Variants in PHC1 observed in about 807,000 individuals in gnomAD.
PHC1 encodes polyhomeotic homolog 1, also known as polyhomeotic-like protein 1.
In PHC1, 12 loss-of-function variants were observed where a neutral mutation model predicts 104.3. The observed-to-expected ratio is 0.12, with a 90% CI of 0.07 to 0.19. The LOEUF (loss-of-function observed/expected upper bound fraction) is 0.19, where lower values mean the gene tolerates loss of function less well. Ranked by LOEUF, PHC1 falls within the 10% of genes least tolerant of loss-of-function variation. The pLI, the probability that PHC1 is intolerant of heterozygous loss-of-function variation, is 1.00. For missense variants in PHC1, 671 were observed against 1,200.0 expected (o/e 0.56, Z 6.51); for synonymous variants, 302 against 455.8 (o/e 0.66, Z 4.30).
At chr12:8,937,098 C>T in intron 12 of PHC1, 78 bp from the exon 13 acceptor site, 1 of 1,509,806 alleles carries the variant, frequency 6.6e-7, no homozygotes, top group Non-Finnish European at 9.1e-7. Context: ...CAAATCAGCT[C>T]ATAAGCAGAA....
intron 6 of PHC1, among the ~76,000 whole-genome samples, chr12:8,926,392 G>A (rs183942180): frequency 0.016 from 2,454 of 152,182 alleles, 72 homozygotes; most frequent in African/African-American, 0.056. Context: ...CGAGGCGGGC[G>A]GATCACCTGA....
At chr12:8,922,556 T>TG in intron 5 of PHC1, 77 bp from the exon 6 acceptor site, 1 of 1,281,876 alleles carries the variant, frequency 7.8e-7, no homozygotes, top group Admixed American at 2.1e-5. Flanking sequence ...TTTTGTCTTG[T>TG]GGTCCTTCCT....
chr12:8,928,855 C>A (rs781006396), intron 6 of PHC1, among the ~76,000 whole-genome samples: 1 of 152,156 alleles, frequency 6.6e-6, no homozygotes, highest in Non-Finnish European at 1.5e-5. Flanking sequence ...TGTTTTGTTG[C>A]AGTCATTGGA....
intron 10 of PHC1, 132 bp from the exon 11 acceptor site, chr12:8,934,990 TTC>T (rs950940712): frequency 1.8e-6 from 1 of 568,686 alleles, no homozygotes. Flanking sequence ...TTGAAAGTGA[TTC>T]TCTCTGAACC....
intron 1 of PHC1, among the ~76,000 whole-genome samples, chr12:8,916,339 C>A (rs1945199473): frequency 6.6e-6 from 1 of 152,142 alleles, no homozygotes; most frequent in Non-Finnish European, 1.5e-5. Context: ...TGGATGCAAT[C>A]CCTAAGACCA....
intron 14 of PHC1, 57 bp from the exon 15 acceptor site, chr12:8,939,248 T>A: frequency 6.2e-7 from 1 of 1,602,652 alleles, no homozygotes; most frequent in South Asian, 1.1e-5. Context: ...CAGTTTCATT[T>A]AGCTTCCCTT....
At chr12:8,933,635 C>T (rs759705836) in intron 8 of PHC1, 16 of 603,052 alleles carry the variant, frequency 2.7e-5, no homozygotes, top group East Asian at 2.0e-4. Context: ...GGTTGGTCTA[C>T]GTGAATACAG....
chr12:8,937,815 C>T lies in PHC1; in HGVS notation c.2629-14C>T, dbSNP rs774115077. The T allele has an allele frequency of 1.9e-6, 3 of 1,607,394 alleles. No homozygotes were observed. In the East Asian group the frequency reaches 6.7e-5, roughly 36 times the overall value. On this transcript the variant is annotated splice_polypyrimidine_tract_variant and intron_variant, in intron 13 of 14. Transcript: ENST00000544916. ...TTGACACTGACCTCATTGGTTTGCT[C>T]TTTTCCCCTATAGGGTCAAGAAGAC... is the stretch of plus-strand genomic sequence containing the variant.
chr12:8,914,048 G>A (rs1945122165), upstream of PHC1: 1 of 152,480 alleles, frequency 6.6e-6, no homozygotes, highest in Non-Finnish European at 1.5e-5. Context: ...TCTTTTCCCA[G>A]TCTATCGTTT....
At chr12:8,924,604 T>A (rs761715443) in intron 6 of PHC1, among the ~76,000 whole-genome samples, 1 of 152,274 alleles carries the variant, frequency 6.6e-6, no homozygotes, top group East Asian at 1.9e-4. Flanking sequence ...GACGAGTGGA[T>A]TTGATTTGGA....
intron 13 of PHC1, 81 bp from the exon 14 acceptor site, chr12:8,937,748 C>G (rs773685136): frequency 8.2e-6 from 9 of 1,097,884 alleles, no homozygotes; most frequent in African/African-American, 4.6e-5. Context: ...CTTCTACGCC[C>G]AACCCAGGGT....
At chr12:8,932,440 C>T in intron 7 of PHC1, 123 bp from the exon 8 acceptor site, 1 of 1,000,824 alleles carries the variant, frequency 1.0e-6, no homozygotes, top group Non-Finnish European at 1.5e-6. Context: ...GACTAGATTT[C>T]TTTTCACCGC....
At chr12:8,939,036 G>T (rs1283496405) in intron 14 of PHC1, among the ~76,000 whole-genome samples, 1 of 152,198 alleles carries the variant, frequency 6.6e-6, no homozygotes, top group Non-Finnish European at 1.5e-5. Context: ...ATGTTGCCCA[G>T]GATGGTCTTG....
chr12:8,914,357 G>C (rs1339174335), upstream of PHC1, among the ~76,000 whole-genome samples: 1 of 151,718 alleles, frequency 6.6e-6, no homozygotes, highest in Non-Finnish European at 1.5e-5. Context: ...GGAGCGCAGA[G>C]GCCCGGGAGC....
At position 8,930,571 on chromosome 12, in the gene PHC1, T is replaced by A; in HGVS notation, c.749T>A (p.Val250Glu). ...CAGGCCTCTAGCCAGGCCCTAGCGG[T>A]GGCACAGGCTTCCTCTGGGGCCACA... ...LSQASSQALAVAQASSGATNQ... is the reference protein window; with the variant it reads ...LSQASSQALAEAQASSGATNQ... The change falls in exon 7 of 15, where the codon GTG becomes GAG. Residue 250 changes from valine to glutamate, a missense_variant. This residue lies in a region of PHC1 where 237 missense variants were observed against 331.1 expected (regional missense o/e 0.72). Coordinates refer to ENST00000544916, the MANE Select transcript of PHC1 (RefSeq NM_004426.3). 1 of 1,567,888 alleles carries A rather than the reference T, an allele frequency of 6.4e-7. No individual in the cohort carries two copies. The highest frequency in any genetic ancestry group is 8.7e-7 in the Non-Finnish European group (1 of 1,155,360).
Position 8,933,847 on chromosome 12 carries a change from C to T in PHC1, c.1894-18C>T. Reference sequence around the variant, plus strand: ...TCATTTGTACATCTTTGTTTCTTTCCTATTCTTTACGGTATAGGGTAAACC... The same window carrying T: ...TCATTTGTACATCTTTGTTTCTTTCTTATTCTTTACGGTATAGGGTAAACC... On this transcript the variant is annotated intron_variant, in intron 8 of 14. Coordinates refer to ENST00000544916, the MANE Select transcript of PHC1 (RefSeq NM_004426.3). The T allele has an allele frequency of 1.2e-6, 2 of 1,600,704 alleles. No homozygotes were observed. Among genetic ancestry groups the T allele is most frequent in the Admixed American group, 1.7e-5 (1 of 59,382 alleles).
chr12:8,917,039 A>C (rs1402607938), intron 1 of PHC1, among the ~76,000 whole-genome samples: 1 of 152,250 alleles, frequency 6.6e-6, no homozygotes, highest in African/African-American at 2.4e-5. Flanking sequence ...TTGAAGAAGC[A>C]TGTGTTAGTC....
At chr12:8,939,031 G>A (rs1440162197) in intron 14 of PHC1, among the ~76,000 whole-genome samples, 4 of 152,150 alleles carry the variant, frequency 2.6e-5, no homozygotes, top group African/African-American at 7.2e-5. Flanking sequence ...TTGCCATGTT[G>A]CCCAGGATGG....
chr12:8,928,422 AC>A (rs35160123), intron 6 of PHC1, among the ~76,000 whole-genome samples: 54,129 of 152,022 alleles, frequency 0.36, 11,136 homozygotes, highest in South Asian at 0.46. Flanking sequence ...TCTCGTCATA[AC>A]CTGTTAAAAT....
Sources: allele counts gnomAD v4.1 joint callset (sites outside exome capture counted in the v4.1 genomes callset), GRCh38; gene constraint gnomAD v4.1.1; regional missense constraint gnomAD v4.1.1; transcripts MANE v1.5; gene names NCBI Gene and HGNC (gene_info 2026-07-23, HGNC 2026-07-21).